The following SYN3 variants were observed in gnomAD, a reference collection of about 807,000 sequenced individuals.
SYN3 encodes the protein synapsin-3.
In SYN3, 35 loss-of-function variants were observed where a neutral mutation model predicts 65.8. That is an observed-to-expected ratio of 0.53 (90% CI 0.41 to 0.70). The LOEUF (loss-of-function observed/expected upper bound fraction) is 0.70. Among genes scored for constraint, SYN3 ranks in the 30% least tolerant of loss-of-function variants. SYN3 has a pLI of 0.00. For missense variants in SYN3, 680 were observed against 749.0 expected, an observed-to-expected ratio of 0.91 and a Z score of 1.08; for synonymous variants, 270 against 292.9, an observed-to-expected ratio of 0.92 and a Z score of 0.80.
intron 6 of SYN3, among the ~76,000 whole-genome samples, chr22:32,732,002 T>C (rs2061276799): frequency 6.6e-6 from 1 of 152,232 alleles, no homozygotes; most frequent in African/African-American, 2.4e-5. Flanking sequence ...AGAAAATGCA[T>C]GCAAAGAGCT....
intron 6 of SYN3, among the ~76,000 whole-genome samples, chr22:32,629,028 A>G (rs924238646): frequency 1.3e-5 from 2 of 152,150 alleles, no homozygotes; most frequent in South Asian, 2.1e-4. Context: ...GGAGCTCTCC[A>G]GGCAAGCTGG....
chr22:32,767,402 T>C (rs75905164), intron 6 of SYN3, among the ~76,000 whole-genome samples: 7 of 82,564 alleles, frequency 8.5e-5, no homozygotes, highest in Admixed American at 7.1e-4. Flanking sequence ...CACACATACA[T>C]GCACACACAC....
intron 6 of SYN3, among the ~76,000 whole-genome samples, chr22:32,617,249 C>G (rs1479115711): frequency 2.0e-5 from 3 of 152,142 alleles, no homozygotes; most frequent in Non-Finnish European, 2.9e-5. Flanking sequence ...GGACCCTCCT[C>G]ATCTGTCAGA....
At chr22:32,989,001 T>C (rs113143258) in intron 2 of SYN3, among the ~76,000 whole-genome samples, 1 of 147,548 alleles carries the variant, frequency 6.8e-6, no homozygotes, top group South Asian at 2.2e-4. Context: ...TACTCACATG[T>C]TGTCAACAGG....
At chr22:32,538,317 C>G (rs2058198241) in intron 8 of SYN3, among the ~76,000 whole-genome samples, 1 of 152,034 alleles carries the variant, frequency 6.6e-6, no homozygotes, top group South Asian at 2.1e-4. Context: ...TTGTTGGATC[C>G]TAGGTATTGT....
chr22:32,603,914 A>G (rs2059324989), intron 6 of SYN3, among the ~76,000 whole-genome samples: 1 of 152,214 alleles, frequency 6.6e-6, no homozygotes, highest in South Asian at 2.1e-4. Flanking sequence ...GGGCAGACCG[A>G]TTTTGGAAAA....
intron 7 of SYN3, among the ~76,000 whole-genome samples, chr22:32,569,557 C>CTATATATATA (rs1401047566): frequency 1.9e-3 from 149 of 76,588 alleles, no homozygotes; most frequent in Non-Finnish European, 3.2e-3. Context: ...CTCTCTCTCT[C>CTATATATATA]TCTCTCTCTC....
intron 7 of SYN3, among the ~76,000 whole-genome samples, chr22:32,546,494 G>A (rs947661222): frequency 5.9e-5 from 9 of 152,088 alleles, no homozygotes; most frequent in African/African-American, 1.2e-4. Context: ...CTTGAGAACC[G>A]GAAGAATTCC....
intron 7 of SYN3, among the ~76,000 whole-genome samples, chr22:32,587,896 A>G (rs1326765901): frequency 6.6e-6 from 1 of 152,106 alleles, no homozygotes; most frequent in African/African-American, 2.4e-5. Flanking sequence ...GTGTTAGGAT[A>G]TCTGGTACCA....
At chr22:32,526,444 T>C (rs2057977614) in intron 12 of SYN3, among the ~76,000 whole-genome samples, 1 of 152,168 alleles carries the variant, frequency 6.6e-6, no homozygotes, top group African/African-American at 2.4e-5. Context: ...CTGTTGCTTT[T>C]AATAATAGTG....
At position 32,558,170 on chromosome 22, in the gene SYN3, C is replaced by T. The variant is rs143793204; in HGVS notation, c.775-16457G>A. Among the ~76,000 whole-genome samples the T allele has an allele frequency of 8.4e-3, 1,277 of 152,258 alleles. 15 individuals are homozygous for T. The highest frequency in any genetic ancestry group is 0.029 in the African/African-American group (1,214 of 41,530). On this transcript the variant is annotated intron_variant, in intron 7 of 13. Coordinates refer to ENST00000358763, the MANE Select transcript of SYN3 (RefSeq NM_003490.4). ...AAAAGAAAGAAGGATTAGATTGGCC[C>T]CTCTCCTTCCTGGAGCAAGTGAGGG...
At chr22:32,829,882 G>A (rs1368855078) in intron 6 of SYN3, among the ~76,000 whole-genome samples, 1 of 152,218 alleles carries the variant, frequency 6.6e-6, no homozygotes, top group African/African-American at 2.4e-5. Context: ...GGACCAAGAT[G>A]CGACCCTGAC....
intron 6 of SYN3, among the ~76,000 whole-genome samples, chr22:32,794,319 A>C (rs1306706833): frequency 6.6e-6 from 1 of 152,162 alleles, no homozygotes; most frequent in East Asian, 1.9e-4. Flanking sequence ...TGTTGACATG[A>C]GTCCTCTAGC....
At position 32,541,546 on chromosome 22, in the gene SYN3, C is replaced by G. The variant is rs767209253; in HGVS notation, c.917+25G>C. On this transcript the variant is annotated intron_variant, in intron 8 of 13. Transcript: ENST00000358763. ...CTGGGCTGCCTTCCTCCCACACTCC[C>G]CCAGCCCCTGCCCCAGAGACTCACA... The G allele has an allele frequency of 2.5e-6, 4 of 1,613,686 alleles. No individual in the cohort carries two copies. In the Admixed American group the frequency reaches 6.7e-5, roughly 27 times the overall value.
intron 6 of SYN3, among the ~76,000 whole-genome samples, chr22:32,669,923 T>C (rs2060338062): frequency 6.6e-6 from 1 of 152,156 alleles, no homozygotes; most frequent in African/African-American, 2.4e-5. Context: ...GGTATAGCAA[T>C]ACCTGTACTT....
intron 6 of SYN3, among the ~76,000 whole-genome samples, chr22:32,639,264 AT>A (rs968203792): frequency 1.3e-5 from 2 of 151,740 alleles, no homozygotes; most frequent in African/African-American, 4.8e-5. Context: ...ATTTTGGTTA[AT>A]TTTTTTACAT....
chr22:32,928,100 G>A (rs1344655957), intron 4 of SYN3, among the ~76,000 whole-genome samples: 1 of 152,222 alleles, frequency 6.6e-6, no homozygotes, highest in Non-Finnish European at 1.5e-5. Context: ...GGAGGCCAAA[G>A]TGGGAGGATC....
chr22:32,727,209 G>T (rs2061208012), intron 6 of SYN3, among the ~76,000 whole-genome samples: 2 of 152,024 alleles, frequency 1.3e-5, no homozygotes. Context: ...TCATCATTCT[G>T]CCCCCACTTA....
intron 6 of SYN3, among the ~76,000 whole-genome samples, chr22:32,694,534 T>C (rs1050541290): frequency 6.6e-6 from 1 of 152,176 alleles, no homozygotes; most frequent in Non-Finnish European, 1.5e-5. Flanking sequence ...CATATGTGGA[T>C]TTTTTCCAAT....
Sources: gnomAD v4.1 joint callset for allele counts (sites outside exome capture counted in the v4.1 genomes callset) on GRCh38, gnomAD v4.1.1 for gene constraint, MANE v1.5 for transcripts, NCBI Gene and HGNC (gene_info 2026-07-23, HGNC 2026-07-21) for gene names.